Variants in FER observed in about 807,000 individuals in gnomAD.
The protein encoded by FER is FER tyrosine kinase, also known as tyrosine-protein kinase Fer.
A neutral mutation model predicts 111.0 loss-of-function variants in FER; 63 were observed. The ratio of observed to expected loss-of-function variants is 0.57; its 90% CI spans 0.46 to 0.70. The LOEUF (loss-of-function observed/expected upper bound fraction) is 0.70. Among genes scored for constraint, FER ranks in the 30% least tolerant of loss-of-function variants. The pLI, the probability that FER is intolerant of heterozygous loss-of-function variation, is 0.00. For missense variants in FER, 914 were observed against 954.0 expected, an observed-to-expected ratio of 0.96 and a Z score of 0.55; for synonymous variants, 327 against 313.9, an observed-to-expected ratio of 1.04 and a Z score of -0.44.
rs923000682 is a variant in FER, at chr5:109,163,215, T to C, written c.2049-17532T>C. 4.0e-5 allele frequency among the ~76,000 whole-genome samples: 6 copies of C among 151,088 alleles called. No homozygotes were observed. The East Asian group carries it at 9.7e-4, about 24-fold the overall frequency. ...TTTCAGATCTGTCCATATTATTGCG[T>C]ATGTTAGTTTATGCTTTTTTATTTC... On this transcript the variant is annotated intron_variant, in intron 17 of 19. Coordinates refer to ENST00000281092, the MANE Select transcript of FER (RefSeq NM_005246.4).
Position 108,926,005 on chromosome 5 carries a change from C to G in FER, c.1237-20125C>G, listed in dbSNP as rs193141733. On this transcript the variant is annotated intron_variant, in intron 10 of 19. Transcript: ENST00000281092. ...TAAATTTTTTTAACTTTAAAAAAGTCTCGCTTTCTTGTTACCCTTCAATCT... is the reference window on the plus strand; with the variant it reads ...TAAATTTTTTTAACTTTAAAAAAGTGTCGCTTTCTTGTTACCCTTCAATCT... Among the ~76,000 whole-genome samples, 5 of 151,896 alleles carry G rather than the reference C, an allele frequency of 3.3e-5. No individual in the cohort carries two copies. In the East Asian group the frequency reaches 9.6e-4, roughly 29 times the overall value.
chr5:108,950,846 C>T (rs779665322), intron 11 of FER, among the ~76,000 whole-genome samples: 140 of 152,168 alleles, frequency 9.2e-4, no homozygotes, highest in Non-Finnish European at 1.6e-3. Context: ...ATAATTTTTA[C>T]TACCACCAGG....
intron 10 of FER, among the ~76,000 whole-genome samples, chr5:108,931,901 A>G (rs941022659): frequency 6.6e-6 from 1 of 152,066 alleles, no homozygotes; most frequent in South Asian, 2.1e-4. Context: ...TGTCCATTTG[A>G]ATGTGGTAAT....
intron 17 of FER, among the ~76,000 whole-genome samples, chr5:109,156,125 G>A (rs74911996): frequency 1.3e-5 from 2 of 151,992 alleles, no homozygotes; most frequent in African/African-American, 4.8e-5. Flanking sequence ...GATAAGATTT[G>A]TGTTATAGAA....
At chr5:109,118,081 T>C (rs979985512) in intron 17 of FER, among the ~76,000 whole-genome samples, 5 of 152,092 alleles carry the variant, frequency 3.3e-5, no homozygotes, top group Non-Finnish European at 5.9e-5. Context: ...ATCCGTGTCT[T>C]GTGCCAATTT....
intron 13 of FER, among the ~76,000 whole-genome samples, chr5:109,031,878 T>A (rs538742160): frequency 6.6e-6 from 1 of 152,296 alleles, no homozygotes; most frequent in East Asian, 1.9e-4. Context: ...ACACTTGAAA[T>A]GACATTTTGA....
chr5:108,987,506 G>A (rs773321381), intron 13 of FER, among the ~76,000 whole-genome samples: 13 of 152,030 alleles, frequency 8.6e-5, no homozygotes, highest in Non-Finnish European at 1.9e-4. Context: ...TCACCTCAGT[G>A]GTTAGGTATA....
intron 8 of FER, among the ~76,000 whole-genome samples, chr5:108,878,333 G>A (rs1008650360): frequency 1.1e-4 from 16 of 151,372 alleles, no homozygotes; most frequent in Non-Finnish European, 1.9e-4. Flanking sequence ...TCTTCTTTTC[G>A]TCGACCACCA....
chr5:108,898,769 C>T (rs907039909), intron 10 of FER, among the ~76,000 whole-genome samples: 14 of 151,824 alleles, frequency 9.2e-5, no homozygotes, highest in Middle Eastern at 3.4e-3. Flanking sequence ...CCCTGCCACA[C>T]ACATACCTGG....
intron 10 of FER, among the ~76,000 whole-genome samples, chr5:108,922,769 T>C (rs1753194284): frequency 6.6e-6 from 1 of 152,078 alleles, no homozygotes; most frequent in Non-Finnish European, 1.5e-5. Context: ...ACTGGGAAAC[T>C]ATACGCATTG....
At chr5:109,137,942 C>A (rs572891400) in intron 17 of FER, among the ~76,000 whole-genome samples, 1 of 152,304 alleles carries the variant, frequency 6.6e-6, no homozygotes, top group African/African-American at 2.4e-5. Context: ...GGCCTATTTT[C>A]TCCCGCAAGA....
At position 109,189,982 on chromosome 5, in the gene FER, G is replaced by A. The variant is rs1043108309; in HGVS notation, c.*2407G>A. On this transcript the variant is annotated 3_prime_UTR_variant, in exon 20 of 20. Transcript: ENST00000281092. ...TATTCTTTGTCCTAAAGCAGGCAGT[G>A]GTATAGTTCAGGATTAATAACTTAT... 7 of 152,098 alleles carry A rather than the reference G, an allele frequency of 4.6e-5. No individual in the cohort carries two copies. The highest frequency in any genetic ancestry group is 1.7e-4 in the African/African-American group (7 of 41,402). 9.4% of individuals were successfully genotyped at this position (152,098 alleles called of 1,614,324 possible). A position where few individuals can be genotyped will look rare whatever the true frequency, so the allele number is the denominator to read the frequency against.
chr5:108,992,433 C>T (rs1763323067), intron 13 of FER, among the ~76,000 whole-genome samples: 2 of 152,096 alleles, frequency 1.3e-5, no homozygotes, highest in African/African-American at 2.4e-5. Context: ...AGGGGCTCCT[C>T]ACTTCCCAGT....
At chr5:108,749,733 T>G (rs913937536) in intron 1 of FER, among the ~76,000 whole-genome samples, 2 of 152,160 alleles carry the variant, frequency 1.3e-5, no homozygotes, top group African/African-American at 2.4e-5. Context: ...TAATTTCTGC[T>G]CTGTGGTCTC....
At chr5:108,809,231 A>G (rs950901384) in intron 3 of FER, among the ~76,000 whole-genome samples, 25 of 152,178 alleles carry the variant, frequency 1.6e-4, no homozygotes, top group African/African-American at 5.5e-4. Flanking sequence ...GAATGACGTA[A>G]CTTGTAGGTT....
At chr5:108,992,269 C>A (rs376689545) in intron 13 of FER, among the ~76,000 whole-genome samples, 2 of 152,248 alleles carry the variant, frequency 1.3e-5, no homozygotes, top group Admixed American at 1.3e-4. Context: ...TCTCCCATGT[C>A]TACTTCTTCC....
chr5:109,144,919 A>G (rs1336695679), intron 17 of FER, among the ~76,000 whole-genome samples: 1 of 152,084 alleles, frequency 6.6e-6, no homozygotes, highest in East Asian at 1.9e-4. Flanking sequence ...CCTCCCATCT[A>G]TGAAGAATCT....
intron 8 of FER, among the ~76,000 whole-genome samples, chr5:108,881,464 G>T (rs1230464729): frequency 2.6e-5 from 4 of 152,066 alleles, no homozygotes; most frequent in Non-Finnish European, 5.9e-5. Flanking sequence ...CCTCCCACTG[G>T]GTCCCTCTCA....
At chr5:108,772,411 C>G (rs1244021009) in intron 2 of FER, among the ~76,000 whole-genome samples, 1 of 131,314 alleles carries the variant, frequency 7.6e-6, no homozygotes, top group Non-Finnish European at 1.7e-5. Flanking sequence ...CTTCTTATGC[C>G]TCTTTATTCT....
Sources: gnomAD v4.1 joint callset for allele counts (sites outside exome capture counted in the v4.1 genomes callset) on GRCh38, gnomAD v4.1.1 for gene constraint, MANE v1.5 for transcripts, NCBI Gene and HGNC (gene_info 2026-07-23, HGNC 2026-07-21) for gene names.